The following DZIP1L variants were observed in gnomAD, a reference collection of about 807,000 sequenced individuals.
DZIP1L encodes DAZ interacting zinc finger protein 1 like.
In DZIP1L, 90 loss-of-function variants were observed where a neutral mutation model predicts 88.7. That is an observed-to-expected ratio of 1.02 (90% CI 0.86 to 1.21). The LOEUF is 1.21. DZIP1L is among the 50% of genes most tolerant of loss of function. The probability of loss-of-function intolerance (pLI) is 0.00; values close to 1 mark genes in which losing one functional copy is unlikely to be tolerated. For synonymous variants in DZIP1L, 363 were observed against 372.1 expected (o/e 0.98, Z 0.28); for missense variants, 932 against 955.8 (o/e 0.98, Z 0.33).
intron 15 of DZIP1L, among the ~76,000 whole-genome samples, chr3:138,064,004 G>A (rs1942787034): frequency 6.6e-6 from 1 of 152,202 alleles, no homozygotes; most frequent in East Asian, 1.9e-4. Flanking sequence ...ACAGCAGTGT[G>A]CAAGTTGTTC....
At chr3:138,082,545 T>A (rs1369358276) in intron 8 of DZIP1L, among the ~76,000 whole-genome samples, 1 of 152,238 alleles carries the variant, frequency 6.6e-6, no homozygotes, top group Non-Finnish European at 1.5e-5. Context: ...ACCACATTCA[T>A]GTCTCTGGTT....
intron 7 of DZIP1L, 103 bp downstream of exon 7, chr3:138,086,858 G>C: frequency 8.1e-7 from 1 of 1,228,084 alleles, no homozygotes. Context: ...ACCAGTTCCA[G>C]GTGAGATAGG....
chr3:138,073,596 A>G (rs1247856923), intron 11 of DZIP1L, among the ~76,000 whole-genome samples: 1 of 152,190 alleles, frequency 6.6e-6, no homozygotes, highest in Non-Finnish European at 1.5e-5. Flanking sequence ...TCCCTCTAAC[A>G]TAGTCTACCC....
chr3:138,075,566 C>T (rs1943367772), intron 11 of DZIP1L, among the ~76,000 whole-genome samples: 1 of 152,170 alleles, frequency 6.6e-6, no homozygotes. Context: ...GTTGGGTCAA[C>T]AACGAAATCA....
chr3:138,106,127 CTTTTTTTTTT>C (rs56146259), intron 1 of DZIP1L, among the ~76,000 whole-genome samples: 5 of 64,528 alleles, frequency 7.7e-5, no homozygotes, highest in African/African-American at 2.5e-4. Flanking sequence ...AGTCTTCTTT[CTTTTTTTTTT>C]TTTTTTTTTT....
chr3:138,090,960 T>C (rs1337092945), intron 5 of DZIP1L, among the ~76,000 whole-genome samples: 1 of 151,438 alleles, frequency 6.6e-6, no homozygotes, highest in Non-Finnish European at 1.5e-5. Flanking sequence ...CTCAGTTCAC[T>C]GCAACCTCCA....
In DZIP1L at chr3:138,077,772, T is replaced by TG; in HGVS notation, c.1289-141_1289-140insC. ...GGACTTGGAGATTGCACTTGAGCCC[T>TG]TAAAGCAGCTTGCTCTCTGGGCTCC... is the stretch of plus-strand genomic sequence containing the variant. On this transcript the variant is annotated intron_variant, in intron 10 of 15. Transcript: ENST00000327532. The TG allele has an allele frequency of 3.3e-6, 4 of 1,223,504 alleles. No homozygotes were observed. In the South Asian group the frequency reaches 6.0e-5, roughly 18 times the overall value. 75.8% of individuals were successfully genotyped at this position (1,223,504 alleles called of 1,614,324 possible).
intron 1 of DZIP1L, 104 bp downstream of exon 1, chr3:138,115,224 T>C (rs1411893550): frequency 2.0e-5 from 3 of 152,198 alleles, no homozygotes; most frequent in Non-Finnish European, 4.4e-5. Context: ...CCCGCTAATG[T>C]TTAACCTCCC....
At chr3:138,068,488 A>T in intron 12 of DZIP1L, 121 bp from the exon 13 acceptor site, 6 of 707,356 alleles carry the variant, frequency 8.5e-6, no homozygotes, top group Non-Finnish European at 1.3e-5. Flanking sequence ...CCGTGCTGTA[A>T]TAACCACAGC....
chr3:138,068,653 G>A (rs149082453), intron 12 of DZIP1L, among the ~76,000 whole-genome samples: 1 of 152,152 alleles, frequency 6.6e-6, no homozygotes, highest in African/African-American at 2.4e-5. Context: ...CGGGCCTGAA[G>A]AGGGGCTCAG....
At position 138,107,252 on chromosome 3, in the gene DZIP1L, A is replaced by C. The variant is rs558221021; in HGVS notation, c.-81-3200T>G. ...TTTAAGAGGTGATTAAGTCACGAAGACTCTGCCCTCATGAATGGATGAATG... is the reference window on the plus strand; with the variant it reads ...TTTAAGAGGTGATTAAGTCACGAAGCCTCTGCCCTCATGAATGGATGAATG... On this transcript the variant is annotated intron_variant, in intron 1 of 15. Transcript: ENST00000327532. 1.6e-4 allele frequency among the ~76,000 whole-genome samples: 25 copies of C among 152,212 alleles called. 1 individual carries two copies. Among genetic ancestry groups the C allele is most frequent in the African/African-American group, 5.5e-4 (23 of 41,516 alleles).
intron 14 of DZIP1L, among the ~76,000 whole-genome samples, chr3:138,065,950 C>T (rs758640940): frequency 3.9e-5 from 6 of 152,320 alleles, no homozygotes; most frequent in Non-Finnish European, 7.4e-5. Flanking sequence ...GAAAATAATA[C>T]GTTTAACGAA....
intron 9 of DZIP1L, among the ~76,000 whole-genome samples, chr3:138,080,843 C>T (rs2107771388): frequency 6.6e-6 from 1 of 152,276 alleles, no homozygotes; most frequent in East Asian, 1.9e-4. Context: ...ATGGCAAGTC[C>T]TTGAACCCCT....
intron 1 of DZIP1L, among the ~76,000 whole-genome samples, chr3:138,106,123 CTTTCTTTTTTTTTTTTT>C (rs886476112): frequency 7.2e-5 from 6 of 83,170 alleles, no homozygotes; most frequent in Non-Finnish European, 1.4e-4. Context: ...ATTCAGTCTT[CTTTCTTTTTTTTTTTTT>C]TTTTTTTTTT....
intron 15 of DZIP1L, 63 bp downstream of exon 15, chr3:138,064,565 C>G: frequency 3.1e-6 from 5 of 1,613,752 alleles, no homozygotes; most frequent in Non-Finnish European, 4.2e-6. Context: ...CCCCAGGCCC[C>G]CCAAACTCAG....
intron 12 of DZIP1L, chr3:138,068,904 A>T (rs993230419): frequency 8.0e-7 from 1 of 1,253,918 alleles, no homozygotes; most frequent in Admixed American, 4.1e-5. Flanking sequence ...TATAGCCACA[A>T]GAGCGGTCCC....
At chr3:138,071,423 G>A (rs764775569) in intron 12 of DZIP1L, among the ~76,000 whole-genome samples, 3 of 152,148 alleles carry the variant, frequency 2.0e-5, no homozygotes, top group Non-Finnish European at 4.4e-5. Flanking sequence ...CAACTTCCCC[G>A]AGTGACCCTG....
At chr3:138,073,086 C>A (rs1943254797) in intron 11 of DZIP1L, among the ~76,000 whole-genome samples, 1 of 152,096 alleles carries the variant, frequency 6.6e-6, no homozygotes, top group Non-Finnish European at 1.5e-5. Context: ...CTGCACCCGC[C>A]CTGGTAGCTG....
chr3:138,064,696 C>T lies in DZIP1L; in HGVS notation c.2074G>A (p.Gly692Arg), dbSNP rs1323692306. Reference protein sequence around the residue: ...LEAPAKKPAGGVSLFFMPNAG... With the variant: ...LEAPAKKPAGRVSLFFMPNAG... Reference sequence around the variant, plus strand: ...TTGGGCATAAAAAACAGACTGACCCCTCCAGCAGGCTTCTTTGCTGGAGCT... The same window carrying T: ...TTGGGCATAAAAAACAGACTGACCCTTCCAGCAGGCTTCTTTGCTGGAGCT... The change falls in exon 15 of 16, where the codon GGG becomes AGG. Residue 692 changes from glycine (G) to arginine (R), a missense_variant. Transcript: ENST00000327532. 6 of 1,612,328 alleles carry T rather than the reference C, an allele frequency of 3.7e-6. No individual in the cohort carries two copies. In the South Asian group the frequency reaches 5.5e-5, roughly 15 times the overall value.
Sources: gnomAD v4.1 joint callset for allele counts (sites outside exome capture counted in the v4.1 genomes callset) on GRCh38, gnomAD v4.1.1 for gene constraint, MANE v1.5 for transcripts, NCBI Gene and HGNC (gene_info 2026-07-23, HGNC 2026-07-21) for gene names.